NSUN6: variants seen among roughly 807,000 people sequenced by gnomAD.
NSUN6 encodes NOP2/Sun RNA methyltransferase 6, also known as tRNA (cytosine(72)-C(5))-methyltransferase NSUN6.
Under a neutral mutation model 58.0 loss-of-function variants are expected in NSUN6, and 64 were observed. That is an observed-to-expected ratio of 1.10 (90% CI 0.90 to 1.36). The LOEUF (loss-of-function observed/expected upper bound fraction) is 1.36, where lower values mean the gene tolerates loss of function less well. Among genes scored for constraint, NSUN6 ranks in the 40% most tolerant of loss-of-function variants. The pLI, the probability that NSUN6 is intolerant of heterozygous loss-of-function variation, is 0.00. For missense variants in NSUN6, 701 were observed against 550.1 expected (o/e 1.27, Z -2.74); for synonymous variants, 231 against 193.9 (o/e 1.19, Z -1.59).
chr10:18,595,306 T>C (rs1589997024), intron 7 of NSUN6, among the ~76,000 whole-genome samples: 2 of 152,228 alleles, frequency 1.3e-5, no homozygotes, highest in East Asian at 3.8e-4. Context: ...ACACCCATAA[T>C]ATCCAGACTC....
intron 3 of NSUN6, among the ~76,000 whole-genome samples, chr10:18,626,506 G>A (rs1341698502): frequency 1.3e-5 from 2 of 152,196 alleles, no homozygotes; most frequent in Non-Finnish European, 2.9e-5. Flanking sequence ...AGTGGCTCAC[G>A]CCTGTAATCC....
rs764308197 is a variant in NSUN6, at chr10:18,633,420, AAATT to A, written c.311+9052_311+9055del. Among the ~76,000 whole-genome samples, 88 of 152,120 alleles carry A rather than the reference AAATT, an allele frequency of 5.8e-4. 1 individual carries two copies. The East Asian group carries it at 0.015, about 26-fold the overall frequency. On this transcript the variant is annotated intron_variant, in intron 3 of 10. Coordinates refer to ENST00000377304, the MANE Select transcript of NSUN6 (RefSeq NM_182543.5). ...CTAAAACTTAAAGTATAATAATAAT[AAATT>A]AATTAAATAAAATAAATAAATAAAA...
intron 7 of NSUN6, among the ~76,000 whole-genome samples, chr10:18,588,320 G>T (rs1196706566): frequency 6.6e-6 from 1 of 152,348 alleles, no homozygotes; most frequent in East Asian, 1.9e-4. Context: ...CTGGGGGGAG[G>T]GGTGGCTGTG....
chr10:18,566,348 C>G (rs562522057), intron 8 of NSUN6, among the ~76,000 whole-genome samples: 1 of 147,656 alleles, frequency 6.8e-6, no homozygotes, highest in Non-Finnish European at 1.5e-5. Context: ...CATTCCATTC[C>G]GCAATCCATT....
chr10:18,580,510 G>A (rs1483516493), intron 8 of NSUN6, among the ~76,000 whole-genome samples: 2 of 152,132 alleles, frequency 1.3e-5, no homozygotes, highest in Admixed American at 6.6e-5. Context: ...AGAGAACTGG[G>A]GGCTATCTTC....
chr10:18,623,703 A>C (rs1230102424), intron 3 of NSUN6, among the ~76,000 whole-genome samples: 1 of 152,240 alleles, frequency 6.6e-6, no homozygotes, highest in Non-Finnish European at 1.5e-5. Flanking sequence ...AAAGCAGCCC[A>C]GGAAAGAGAA....
intron 8 of NSUN6, among the ~76,000 whole-genome samples, chr10:18,568,613 G>GCATTCCATTCTCCATTC (rs1177207994): frequency 1.5e-5 from 2 of 134,032 alleles, no homozygotes; most frequent in African/African-American, 5.6e-5. Context: ...AATCCCCATT[G>GCATTCCATTCTCCATTC]CATTCCATTC....
chr10:18,639,660 A>C (rs1242992828), intron 3 of NSUN6, among the ~76,000 whole-genome samples: 2 of 152,204 alleles, frequency 1.3e-5, no homozygotes, highest in Non-Finnish European at 2.9e-5. Flanking sequence ...TTATACATTC[A>C]CTCATGTTCT....
At chr10:18,596,753 G>T (rs2057602485) in intron 6 of NSUN6, among the ~76,000 whole-genome samples, 1 of 152,126 alleles carries the variant, frequency 6.6e-6, no homozygotes, top group Non-Finnish European at 1.5e-5. Flanking sequence ...TTTGGTCTCA[G>T]CGGTCATTAC....
intron 3 of NSUN6, among the ~76,000 whole-genome samples, chr10:18,629,743 G>A (rs1467230288): frequency 6.8e-6 from 1 of 147,742 alleles, no homozygotes; most frequent in East Asian, 2.0e-4. Flanking sequence ...GGAGCACCCA[G>A]ATTCATAAAG....
intron 9 of NSUN6, among the ~76,000 whole-genome samples, chr10:18,548,509 T>G (rs1014425669): frequency 2.6e-5 from 4 of 152,190 alleles, no homozygotes; most frequent in Non-Finnish European, 4.4e-5. Context: ...GATACCATTT[T>G]TTATGCTGAA....
chr10:18,630,477 G>T (rs1193144866), intron 3 of NSUN6, among the ~76,000 whole-genome samples: 4 of 152,062 alleles, frequency 2.6e-5, no homozygotes, highest in Admixed American at 6.6e-5. Flanking sequence ...CTGGTTTTTT[G>T]AAAGGATCAA....
rs139272543 is a variant in NSUN6, at chr10:18,589,495, G to C, written c.778-3402C>G. Reference sequence around the variant, plus strand: ...TTTCAAAGGTTGAAGCAAAGGTTAAGGGCAGCCAGAAAGGAAGGTCAGGTC... The same window carrying C: ...TTTCAAAGGTTGAAGCAAAGGTTAACGGCAGCCAGAAAGGAAGGTCAGGTC... On this transcript the variant is annotated intron_variant, in intron 7 of 10. Transcript: ENST00000377304. Among the ~76,000 whole-genome samples the C allele has an allele frequency of 2.0e-3, 301 of 152,210 alleles. 3 individuals carry two copies. In the South Asian group the frequency reaches 0.033, roughly 17 times the overall value.
chr10:18,612,826 G>C (rs1465355294), intron 5 of NSUN6, among the ~76,000 whole-genome samples: 1 of 152,172 alleles, frequency 6.6e-6, no homozygotes, highest in Non-Finnish European at 1.5e-5. Flanking sequence ...CAAAGTACAA[G>C]ATTGCGTATG....
chr10:18,573,368 T>C (rs937601310), intron 8 of NSUN6, among the ~76,000 whole-genome samples: 2 of 151,274 alleles, frequency 1.3e-5, no homozygotes, highest in African/African-American at 4.9e-5. Context: ...CAATTTCCAA[T>C]TCCTTTCCAT....
intron 3 of NSUN6, among the ~76,000 whole-genome samples, chr10:18,618,811 T>C (rs1213422931): frequency 6.6e-6 from 1 of 152,022 alleles, no homozygotes; most frequent in Non-Finnish European, 1.5e-5. Flanking sequence ...AAAAACTTTC[T>C]CATCAGTTGG....
chr10:18,572,075 A>G (rs2056397880), intron 8 of NSUN6, among the ~76,000 whole-genome samples: 1 of 150,090 alleles, frequency 6.7e-6, no homozygotes, highest in African/African-American at 2.5e-5. Context: ...TCCATTCTCC[A>G]TTCCATTCCC....
At chr10:18,583,556 T>A (rs1333478740) in intron 8 of NSUN6, among the ~76,000 whole-genome samples, 3 of 152,130 alleles carry the variant, frequency 2.0e-5, no homozygotes, top group African/African-American at 7.2e-5. Flanking sequence ...GCTGCCAGAC[T>A]TAGCAGGCAA....
intron 3 of NSUN6, among the ~76,000 whole-genome samples, chr10:18,628,739 G>A (rs1266052407): frequency 6.6e-6 from 1 of 152,192 alleles, no homozygotes; most frequent in Non-Finnish European, 1.5e-5. Flanking sequence ...AAGCCTCCAA[G>A]AAATATGGGA....
Sources: gnomAD v4.1 joint callset for allele counts (sites outside exome capture counted in the v4.1 genomes callset) on GRCh38, gnomAD v4.1.1 for gene constraint, MANE v1.5 for transcripts, NCBI Gene and HGNC (gene_info 2026-07-23, HGNC 2026-07-21) for gene names.